NEDD9: variants seen among roughly 807,000 people sequenced by gnomAD.
NEDD9 encodes neural precursor cell expressed, developmentally down-regulated 9.
In NEDD9, 26 loss-of-function variants were observed where a neutral mutation model predicts 76.6. That is an observed-to-expected ratio of 0.34 (90% CI 0.25 to 0.47). NEDD9 has a LOEUF of 0.47. NEDD9 is among the 20% of genes least tolerant of loss of function. NEDD9 has a pLI of 1.00. For missense variants in NEDD9, 937 were observed against 1,058.5 expected (o/e 0.89, Z 1.59); for synonymous variants, 392 against 414.2 (o/e 0.95, Z 0.65).
At chr6:11,380,633 C>A (rs1763045608) in intron 1 of NEDD9, among the ~76,000 whole-genome samples, 1 of 152,168 alleles carries the variant, frequency 6.6e-6, no homozygotes, top group South Asian at 2.1e-4. Flanking sequence ...CCCTTCTCTG[C>A]CAGATGCTTA....
intron 5 of NEDD9, among the ~76,000 whole-genome samples, chr6:11,188,947 A>ATTG (rs1758052521): frequency 6.8e-6 from 1 of 146,014 alleles, no homozygotes; most frequent in East Asian, 2.0e-4. Context: ...ATCTTGGTAG[A>ATTG]TTTTTTTTTT....
chr6:11,201,128 G>A, intron 2 of NEDD9: 1 of 1,541,820 alleles, frequency 6.5e-7, no homozygotes. Context: ...TCTCCTTGGG[G>A]GCACTTCTTT....
chr6:11,265,956 T>C (rs1006259957), intron 3 of NEDD9, among the ~76,000 whole-genome samples: 3 of 149,956 alleles, frequency 2.0e-5, no homozygotes, highest in African/African-American at 7.4e-5. Context: ...CCACATGTTC[T>C]CACTCATAAG....
upstream of NEDD9, chr6:11,233,158 TC>T: frequency 2.0e-6 from 1 of 501,738 alleles, no homozygotes; most frequent in East Asian, 5.6e-5. Flanking sequence ...TCTCTCTCTG[TC>T]CCTTTTTCTT....
intron 1 of NEDD9, among the ~76,000 whole-genome samples, chr6:11,230,291 TTTCTC>T (rs1197184307): frequency 6.6e-6 from 1 of 152,252 alleles, no homozygotes; most frequent in Non-Finnish European, 1.5e-5. Context: ...GCTCTTTCTC[TTTCTC>T]TTAATAGTGG....
At chr6:11,207,844 G>T (rs896284526) in intron 2 of NEDD9, among the ~76,000 whole-genome samples, 2 of 152,140 alleles carry the variant, frequency 1.3e-5, no homozygotes, top group African/African-American at 4.8e-5. Context: ...AGGCATTCTA[G>T]GTAAATCATA....
At chr6:11,316,999 G>A (rs900032034) in intron 2 of NEDD9, among the ~76,000 whole-genome samples, 2 of 152,198 alleles carry the variant, frequency 1.3e-5, no homozygotes. Context: ...CCAATGGGGA[G>A]AGAATCTGTA....
At chr6:11,218,925 G>T (rs1254999324) in intron 1 of NEDD9, among the ~76,000 whole-genome samples, 1 of 152,160 alleles carries the variant, frequency 6.6e-6, no homozygotes, top group Non-Finnish European at 1.5e-5. Context: ...CAAACAGGAA[G>T]GCCAAGAGGA....
At chr6:11,360,398 C>T (rs574408254) in intron 1 of NEDD9, among the ~76,000 whole-genome samples, 1 of 152,284 alleles carries the variant, frequency 6.6e-6, no homozygotes, top group African/African-American at 2.4e-5. Flanking sequence ...TGTGTGGTCA[C>T]CACTTAGCCA....
At chr6:11,279,334 G>A (rs1409492108) in intron 3 of NEDD9, among the ~76,000 whole-genome samples, 1 of 152,210 alleles carries the variant, frequency 6.6e-6, no homozygotes, top group Non-Finnish European at 1.5e-5. Flanking sequence ...GCTCACAGAT[G>A]ACATTTTCAT....
intron 3 of NEDD9, among the ~76,000 whole-genome samples, chr6:11,269,399 T>C (rs150881508): frequency 2.9e-4 from 44 of 152,344 alleles, no homozygotes; most frequent in African/African-American, 1.0e-3. Flanking sequence ...CAATCTAGTT[T>C]ATGGACTATT....
intron 3 of NEDD9, among the ~76,000 whole-genome samples, chr6:11,245,115 C>A (rs1759782496): frequency 6.6e-6 from 1 of 152,160 alleles, no homozygotes; most frequent in African/African-American, 2.4e-5. Context: ...GTTGAACTCC[C>A]AGCTTATCTT....
At chr6:11,292,378 G>C (rs1760798242) in intron 3 of NEDD9, among the ~76,000 whole-genome samples, 1 of 152,200 alleles carries the variant, frequency 6.6e-6, no homozygotes, top group Non-Finnish European at 1.5e-5. Flanking sequence ...CTGCAATGCA[G>C]CTGGACTTTG....
intron 3 of NEDD9, among the ~76,000 whole-genome samples, chr6:11,286,679 C>T (rs1760655949): frequency 6.6e-6 from 1 of 152,000 alleles, no homozygotes; most frequent in Non-Finnish European, 1.5e-5. Context: ...AACATAGATA[C>T]AAATCAAAGT....
Position 11,190,515 on chromosome 6 carries a change from C to T in NEDD9, c.1354G>A (p.Val452Met). 1 of 1,614,228 alleles carries T rather than the reference C, an allele frequency of 6.2e-7. No individual in the cohort carries two copies. The highest frequency in any genetic ancestry group is 8.5e-7 in the Non-Finnish European group (1 of 1,180,046). The change falls in exon 5 of 7, where the codon GTG becomes ATG. Residue 452 changes from valine to methionine, a missense_variant. Physicochemically the swap from Val to Met is conservative, Grantham distance 21. Transcript: ENST00000379446. This position sits in a 1 kb window ranked among gnomAD's most constrained non-coding sequence, Gnocchi z 5.8. ...ERHINEIRTA[V>M]DKVELFLKEY... ...TTCAGGAACAGCTCCACCTTGTCCACTGCTGTGCGTATTTCATTGATGTGT... is the reference window on the plus strand; with the variant it reads ...TTCAGGAACAGCTCCACCTTGTCCATTGCTGTGCGTATTTCATTGATGTGT...
At chr6:11,275,814 A>T (rs1760404942) in intron 3 of NEDD9, among the ~76,000 whole-genome samples, 3 of 152,206 alleles carry the variant, frequency 2.0e-5, no homozygotes, top group Non-Finnish European at 2.9e-5. Context: ...ATCACTCAGC[A>T]TTGGACTTTT....
chr6:11,250,047 G>A (rs1759886911), intron 3 of NEDD9, among the ~76,000 whole-genome samples: 1 of 152,290 alleles, frequency 6.6e-6, no homozygotes, highest in East Asian at 1.9e-4. Context: ...CCCACTGCCT[G>A]TCACTCCACA....
intron 2 of NEDD9, among the ~76,000 whole-genome samples, chr6:11,321,458 G>A (rs1266435916): frequency 1.3e-5 from 2 of 152,178 alleles, no homozygotes; most frequent in Non-Finnish European, 2.9e-5. Flanking sequence ...ACAATTGCTT[G>A]CAAACAAGTA....
chr6:11,367,128 G>GATTGGTCA (rs1762783654), intron 1 of NEDD9, among the ~76,000 whole-genome samples: 1 of 152,196 alleles, frequency 6.6e-6, no homozygotes, highest in African/African-American at 2.4e-5. Flanking sequence ...TGGACTCTAT[G>GATTGGTCA]ATTGGTCAAA....
Sources: allele counts gnomAD v4.1 joint callset (sites outside exome capture counted in the v4.1 genomes callset), GRCh38; gene constraint gnomAD v4.1.1; non-coding constraint Gnocchi (gnomAD v3.1); transcripts MANE v1.5; gene names NCBI Gene and HGNC (gene_info 2026-07-23, HGNC 2026-07-21).